CCSER1: variants seen among roughly 807,000 people sequenced by gnomAD.
CCSER1 encodes the protein serine-rich coiled-coil domain-containing protein 1.
In CCSER1, 41 loss-of-function variants were observed where a neutral mutation model predicts 82.0. The ratio of observed to expected loss-of-function variants is 0.50; its 90% CI spans 0.39 to 0.65. The LOEUF (loss-of-function observed/expected upper bound fraction) is 0.65. Among genes scored for constraint, CCSER1 ranks in the 30% least tolerant of loss-of-function variants. CCSER1 has a pLI of 0.00. For missense variants in CCSER1, 1,119 were observed against 1,064.2 expected (o/e 1.05, Z -0.72); for synonymous variants, 414 against 383.9 (o/e 1.08, Z -0.92).
At chr4:91,570,482 C>A (rs1480685044) in intron 10 of CCSER1, among the ~76,000 whole-genome samples, 1 of 152,226 alleles carries the variant, frequency 6.6e-6, no homozygotes, top group African/African-American at 2.4e-5. Flanking sequence ...CTTTTGAAAT[C>A]TAGGTGGAGG....
chr4:91,409,393 T>G (rs2149369541), intron 10 of CCSER1, among the ~76,000 whole-genome samples: 1 of 152,324 alleles, frequency 6.6e-6, no homozygotes, highest in Non-Finnish European at 1.5e-5. Context: ...AGATTTAATT[T>G]ACACTGACAT....
At chr4:91,177,171 A>G (rs919569261) in intron 10 of CCSER1, among the ~76,000 whole-genome samples, 2 of 152,176 alleles carry the variant, frequency 1.3e-5, no homozygotes, top group Non-Finnish European at 2.9e-5. Context: ...GATGAAGCCA[A>G]CTTGATCATG....
At chr4:90,895,942 G>A (rs1723643681) in intron 8 of CCSER1, among the ~76,000 whole-genome samples, 1 of 151,934 alleles carries the variant, frequency 6.6e-6, no homozygotes, top group South Asian at 2.1e-4. Flanking sequence ...GCTGCAGTAT[G>A]GAGCATATAT....
At chr4:91,195,871 T>TAATGGCATGAACCCGGGAGGCGGAGC (rs1354344155) in intron 10 of CCSER1, among the ~76,000 whole-genome samples, 1 of 152,024 alleles carries the variant, frequency 6.6e-6, no homozygotes, top group African/African-American at 2.4e-5. Flanking sequence ...CACCGTTCCC[T>TAATGGCATGAACCCGGGAGGCGGAGC]TTCTTACAAC....
At chr4:91,048,991 A>G (rs983094335) in intron 9 of CCSER1, among the ~76,000 whole-genome samples, 11 of 152,154 alleles carry the variant, frequency 7.2e-5, no homozygotes, top group African/African-American at 2.7e-4. Flanking sequence ...AAAGTCTGGG[A>G]TACTTAAGGC....
At chr4:90,739,287 C>T (rs986144866) in intron 7 of CCSER1, among the ~76,000 whole-genome samples, 8 of 152,214 alleles carry the variant, frequency 5.3e-5, no homozygotes, top group Admixed American at 3.3e-4. Flanking sequence ...GAAAGGGGGG[C>T]CTCAGGTCTC....
At position 90,143,491 on chromosome 4, in the gene CCSER1, TACAC is replaced by T. The variant is rs56859054; in HGVS notation, c.-42+15693_-42+15696del. On this transcript the variant is annotated intron_variant, in intron 1 of 10. Transcript: ENST00000509176. ...TTCTGTTTCCTAGCAAGTACACACA[TACAC>T]ACACACACACACACACACACACACA... Among the ~76,000 whole-genome samples the T allele has an allele frequency of 7.3e-3, 1,032 of 141,388 alleles. 16 individuals carry two copies. Among genetic ancestry groups the T allele is most frequent in the African/African-American group, 0.023 (889 of 38,284 alleles). 92.8% of individuals were successfully genotyped at this position (141,388 alleles called of 152,430 possible). A position where few individuals can be genotyped will look rare whatever the true frequency, so the allele number is the denominator to read the frequency against.
At chr4:90,488,261 A>G (rs1767434757) in intron 5 of CCSER1, among the ~76,000 whole-genome samples, 1 of 152,082 alleles carries the variant, frequency 6.6e-6, no homozygotes, top group Non-Finnish European at 1.5e-5. Context: ...AGCACACTGC[A>G]AGCTCCGCCT....
intron 1 of CCSER1, among the ~76,000 whole-genome samples, chr4:90,282,682 C>T (rs1729093803): frequency 6.6e-6 from 1 of 151,922 alleles, no homozygotes; most frequent in South Asian, 2.1e-4. Flanking sequence ...GGTTACAAAT[C>T]ACTGAATACT....
At chr4:90,824,442 C>T (rs943998449) in intron 8 of CCSER1, among the ~76,000 whole-genome samples, 1 of 151,876 alleles carries the variant, frequency 6.6e-6, no homozygotes, top group Non-Finnish European at 1.5e-5. Flanking sequence ...GGTTACTATG[C>T]ATAATAAAAA....
chr4:90,967,940 C>G (rs1224964683), intron 9 of CCSER1, among the ~76,000 whole-genome samples: 1 of 151,988 alleles, frequency 6.6e-6, no homozygotes, highest in African/African-American at 2.4e-5. Flanking sequence ...TCAGCATCAC[C>G]CCTTTTCCCA....
chr4:90,623,345 ATT>A (rs35974323), intron 5 of CCSER1, among the ~76,000 whole-genome samples: 1 of 149,748 alleles, frequency 6.7e-6, no homozygotes, highest in African/African-American at 2.4e-5. Flanking sequence ...GGATGGCAGG[ATT>A]TTTTTTTTAT....
At chr4:90,433,301 G>C (rs1758556283) in intron 4 of CCSER1, among the ~76,000 whole-genome samples, 1 of 151,960 alleles carries the variant, frequency 6.6e-6, no homozygotes, top group Non-Finnish European at 1.5e-5. Context: ...TCCTTTTTAA[G>C]TTTTACATGT....
At chr4:91,506,795 C>T (rs1283903838) in intron 10 of CCSER1, among the ~76,000 whole-genome samples, 5 of 152,124 alleles carry the variant, frequency 3.3e-5, no homozygotes, top group Non-Finnish European at 7.4e-5. Flanking sequence ...TACTCCTTTG[C>T]TAATCCTGTT....
At chr4:91,178,421 C>G (rs1395995002) in intron 10 of CCSER1, among the ~76,000 whole-genome samples, 3 of 151,648 alleles carry the variant, frequency 2.0e-5, no homozygotes, top group African/African-American at 2.4e-5. Flanking sequence ...TAAAGTCTCC[C>G]ATTATTATTG....
intron 8 of CCSER1, among the ~76,000 whole-genome samples, chr4:90,824,513 T>C (rs1357915427): frequency 2.0e-5 from 3 of 152,072 alleles, no homozygotes; most frequent in African/African-American, 4.8e-5. Flanking sequence ...TTATCAGAAA[T>C]CTAGAGAGGA....
At chr4:90,705,216 G>T (rs2149297654) in intron 6 of CCSER1, among the ~76,000 whole-genome samples, 1 of 152,354 alleles carries the variant, frequency 6.6e-6, no homozygotes, top group South Asian at 2.1e-4. Flanking sequence ...CTGCAGGTCT[G>T]TTGGAGTTTG....
At chr4:90,386,984 T>C (rs1578217063) in intron 3 of CCSER1, among the ~76,000 whole-genome samples, 1 of 152,302 alleles carries the variant, frequency 6.6e-6, no homozygotes, top group East Asian at 1.9e-4. Flanking sequence ...GTTAGGAAAC[T>C]TTTCTTTCTT....
intron 5 of CCSER1, among the ~76,000 whole-genome samples, chr4:90,485,567 C>T (rs1766904010): frequency 7.0e-6 from 1 of 142,814 alleles, no homozygotes; most frequent in Non-Finnish European, 1.5e-5. Context: ...GGTACATGTG[C>T]AGTTTTGTTA....
Sources: gnomAD v4.1 joint callset for allele counts (sites outside exome capture counted in the v4.1 genomes callset) on GRCh38, gnomAD v4.1.1 for gene constraint, MANE v1.5 for transcripts, NCBI Gene and HGNC (gene_info 2026-07-23, HGNC 2026-07-21) for gene names.